Variants in PSD3 observed in about 807,000 individuals in gnomAD.
PSD3 encodes pleckstrin and Sec7 domain containing 3.
Under a neutral mutation model 105.5 loss-of-function variants are expected in PSD3, and 49 were observed. The observed-to-expected ratio is 0.46, with a 90% confidence interval of 0.37 to 0.59. PSD3 has a LOEUF of 0.59. PSD3 is among the 20% of genes least tolerant of loss of function. The pLI is 0.00. For synonymous variants in PSD3, 557 were observed against 457.8 expected (o/e 1.22, Z -2.77); for missense variants, 1,561 against 1,263.8 (o/e 1.24, Z -3.57).
At chr8:18,725,388 T>G (rs952476002) in intron 9 of PSD3, among the ~76,000 whole-genome samples, 1 of 152,182 alleles carries the variant, frequency 6.6e-6, no homozygotes, top group Non-Finnish European at 1.5e-5. Flanking sequence ...ATTTCCTTGG[T>G]TGGGGTCAGA....
chr8:18,828,836 T>C (rs928044045), intron 4 of PSD3, among the ~76,000 whole-genome samples: 3 of 152,060 alleles, frequency 2.0e-5, no homozygotes, highest in Admixed American at 1.3e-4. Flanking sequence ...TCGGGGCACA[T>C]ACCTGTAATC....
intron 15 of PSD3, among the ~76,000 whole-genome samples, chr8:18,539,388 T>C (rs1331541534): frequency 2.0e-5 from 3 of 152,186 alleles, no homozygotes; most frequent in Admixed American, 1.3e-4. Context: ...TTCTTAACTA[T>C]GCAACAGCAT....
At chr8:18,683,462 C>A (rs1167548781) in intron 9 of PSD3, among the ~76,000 whole-genome samples, 1 of 152,206 alleles carries the variant, frequency 6.6e-6, no homozygotes, top group Non-Finnish European at 1.5e-5. Context: ...GTCAAGGCAA[C>A]CTTTCTGAGA....
At chr8:18,665,481 A>T (rs1312781640) in intron 9 of PSD3, among the ~76,000 whole-genome samples, 3 of 152,256 alleles carry the variant, frequency 2.0e-5, no homozygotes, top group Non-Finnish European at 4.4e-5. Flanking sequence ...TGGATGAGCA[A>T]AGAAAGTAGT....
chr8:18,840,267 G>C (rs1476326835), intron 4 of PSD3, among the ~76,000 whole-genome samples: 1 of 152,176 alleles, frequency 6.6e-6, no homozygotes, highest in South Asian at 2.1e-4. Flanking sequence ...TAATAGGTGG[G>C]GAAGTTGTGT....
At chr8:18,752,625 TTATATATAA>T (rs377743548) in intron 9 of PSD3, among the ~76,000 whole-genome samples, 4,999 of 91,106 alleles carry the variant, frequency 0.055, 237 homozygotes, top group East Asian at 0.15. Context: ...ATAATATATA[TTATATATAA>T]TATATATAAT....
chr8:19,013,890 C>A (rs1306436268), upstream of PSD3, among the ~76,000 whole-genome samples: 5 of 135,906 alleles, frequency 3.7e-5, no homozygotes, highest in East Asian at 7.2e-4. Flanking sequence ...GGGGAGGTGG[C>A]TGGGCCTCCG....
chr8:18,901,520 G>A lies in PSD3; in HGVS notation c.131-28787C>T, dbSNP rs1114128. Among the ~76,000 whole-genome samples the A allele has an allele frequency of 1.5e-3, 235 of 151,986 alleles. 1 individual carries two copies. Among genetic ancestry groups the A allele is most frequent in the African/African-American group, 5.3e-3 (220 of 41,452 alleles). On this transcript the variant is annotated intron_variant, in intron 2 of 15. Transcript: ENST00000327040. ...CCTTTGTTCCTTTCTTCCTCCTTTCGTTCCTTTCTTCCTCTTTTTCTATCA... is the reference window on the plus strand; with the variant it reads ...CCTTTGTTCCTTTCTTCCTCCTTTCATTCCTTTCTTCCTCTTTTTCTATCA...
intron 9 of PSD3, among the ~76,000 whole-genome samples, chr8:18,693,036 C>T (rs556781088): frequency 3.7e-4 from 56 of 152,260 alleles, no homozygotes; most frequent in African/African-American, 1.3e-3. Context: ...CTGAAACAGA[C>T]GCTGACATAT....
At chr8:18,708,363 T>C (rs1802027205) in intron 9 of PSD3, among the ~76,000 whole-genome samples, 1 of 152,132 alleles carries the variant, frequency 6.6e-6, no homozygotes, top group Admixed American at 6.5e-5. Flanking sequence ...GATTAACTGC[T>C]CTCTCTCCAC....
chr8:18,754,472 T>A (rs576180430), intron 9 of PSD3, among the ~76,000 whole-genome samples: 4 of 152,132 alleles, frequency 2.6e-5, no homozygotes, highest in Non-Finnish European at 5.9e-5. Context: ...TTAAAATCAG[T>A]TGGATTTGGC....
At chr8:18,541,415 G>T (rs1025473204) in intron 15 of PSD3, among the ~76,000 whole-genome samples, 2 of 152,134 alleles carry the variant, frequency 1.3e-5, no homozygotes, top group African/African-American at 4.8e-5. Flanking sequence ...CCACGTTGAT[G>T]GCAGATGCCT....
chr8:18,988,628 G>A (rs1825631770), intron 1 of PSD3, among the ~76,000 whole-genome samples: 1 of 152,080 alleles, frequency 6.6e-6, no homozygotes, highest in South Asian at 2.1e-4. Context: ...CTCCTCCAGA[G>A]CTCTATTTCC....
chr8:18,828,615 A>G (rs1466974437), intron 4 of PSD3, among the ~76,000 whole-genome samples: 4 of 152,154 alleles, frequency 2.6e-5, no homozygotes, highest in Non-Finnish European at 5.9e-5. Context: ...AGCCTGGGCA[A>G]CATGGTGGAC....
intron 9 of PSD3, among the ~76,000 whole-genome samples, chr8:18,740,701 G>C (rs1353159165): frequency 2.0e-5 from 3 of 152,024 alleles, no homozygotes; most frequent in Non-Finnish European, 4.4e-5. Flanking sequence ...ACCCTACCAG[G>C]TACTTAAATC....
chr8:18,960,185 T>C (rs1427586937), intron 1 of PSD3, among the ~76,000 whole-genome samples: 4 of 152,240 alleles, frequency 2.6e-5, no homozygotes, highest in African/African-American at 9.6e-5. Context: ...ATTCTCATCA[T>C]TTAGATGCAT....
intron 1 of PSD3, among the ~76,000 whole-genome samples, chr8:18,994,929 G>A (rs539441823): frequency 5.9e-5 from 9 of 151,826 alleles, no homozygotes; most frequent in Non-Finnish European, 7.4e-5. Context: ...AACCCCCACC[G>A]AGACATATCC....
At chr8:18,928,999 G>A (rs970152423) in intron 2 of PSD3, among the ~76,000 whole-genome samples, 14 of 152,104 alleles carry the variant, frequency 9.2e-5, no homozygotes, top group Admixed American at 9.2e-4. Context: ...TTAAGATGAT[G>A]AAAATGTTCT....
At chr8:18,915,011 A>G (rs1049629449) in intron 2 of PSD3, among the ~76,000 whole-genome samples, 1 of 152,196 alleles carries the variant, frequency 6.6e-6, no homozygotes, top group African/African-American at 2.4e-5. Flanking sequence ...ACCTAAACCA[A>G]TGGAACAGAA....
Sources: gnomAD v4.1 joint callset for allele counts (sites outside exome capture counted in the v4.1 genomes callset) on GRCh38, gnomAD v4.1.1 for gene constraint, MANE v1.5 for transcripts, NCBI Gene and HGNC (gene_info 2026-07-23, HGNC 2026-07-21) for gene names.